The following TSHZ2 variants were observed in gnomAD, a reference collection of about 807,000 sequenced individuals.
The protein encoded by TSHZ2 is teashirt homolog 2.
TSHZ2 carries 21 observed loss-of-function variants against 74.4 expected under a neutral mutation model. The ratio of observed to expected loss-of-function variants is 0.28; its 90% CI spans 0.20 to 0.41. TSHZ2 has a LOEUF of 0.41. Ranked by LOEUF, TSHZ2 falls within the 10% of genes least tolerant of loss-of-function variation. TSHZ2 has a pLI of 1.00. For synonymous variants in TSHZ2, 540 were observed against 515.3 expected, an observed-to-expected ratio of 1.05 and a Z score of -0.65; for missense variants, 1,244 against 1,293.5, an observed-to-expected ratio of 0.96 and a Z score of 0.59.
At chr20:53,377,700 A>C (rs938238835) in intron 2 of TSHZ2, among the ~76,000 whole-genome samples, 7 of 152,168 alleles carry the variant, frequency 4.6e-5, no homozygotes, top group Non-Finnish European at 1.0e-4. Context: ...TATCTATAAA[A>C]AAAATACAAA....
chr20:53,348,217 CTT>C (rs1313645628), intron 2 of TSHZ2, among the ~76,000 whole-genome samples: 1 of 152,170 alleles, frequency 6.6e-6, no homozygotes, highest in Non-Finnish European at 1.5e-5. Context: ...TAGAAGCACT[CTT>C]TGCAATAGCC....
chr20:53,210,490 C>T (rs754869488), intron 1 of TSHZ2, among the ~76,000 whole-genome samples: 1 of 152,004 alleles, frequency 6.6e-6, no homozygotes, highest in Non-Finnish European at 1.5e-5. Context: ...TCAACTCCAA[C>T]CGTTTCCACA....
intron 1 of TSHZ2, among the ~76,000 whole-genome samples, chr20:53,110,815 C>T (rs529840712): frequency 1.3e-5 from 2 of 152,118 alleles, no homozygotes; most frequent in African/African-American, 4.8e-5. Context: ...GCGGTGCCAC[C>T]GAGATATAGA....
chr20:52,977,819 G>T (rs1017522677), intron 1 of TSHZ2, among the ~76,000 whole-genome samples: 11 of 152,188 alleles, frequency 7.2e-5, no homozygotes, highest in Non-Finnish European at 1.2e-4. Flanking sequence ...TGGAAACTCT[G>T]TAAGGGAGCA....
chr20:53,426,335 C>T (rs1442065193), intron 2 of TSHZ2, among the ~76,000 whole-genome samples: 1 of 152,062 alleles, frequency 6.6e-6, no homozygotes, highest in African/African-American at 2.4e-5. Context: ...GTCCTCTCTC[C>T]CTAAGCAGTC....
At chr20:53,042,570 T>C (rs1984079610) in intron 1 of TSHZ2, among the ~76,000 whole-genome samples, 1 of 152,078 alleles carries the variant, frequency 6.6e-6, no homozygotes, top group Admixed American at 6.6e-5. Context: ...ATGAAGATCA[T>C]AGGGAATGAT....
In TSHZ2 at chr20:53,293,876, C is replaced by T. The variant is rs149492481; in HGVS notation, c.*8+37305C>T. ...ACTAAAAATACAAAAATTAGCTGGG[C>T]GCAGTGGTGCATGTCTGTAATCCCA... On this transcript the variant is annotated intron_variant, in intron 2 of 2. Transcript: ENST00000371497. 2.6e-5 allele frequency among the ~76,000 whole-genome samples: 4 copies of T among 151,814 alleles called. No homozygotes were observed. In the East Asian group the frequency reaches 5.8e-4, roughly 22 times the overall value.
chr20:53,118,093 T>C (rs1360873849), intron 1 of TSHZ2, among the ~76,000 whole-genome samples: 1 of 152,186 alleles, frequency 6.6e-6, no homozygotes, highest in Non-Finnish European at 1.5e-5. Context: ...ATCGGCATGC[T>C]TAGAGAATTT....
chr20:53,307,495 A>C (rs888066090), intron 2 of TSHZ2, among the ~76,000 whole-genome samples: 4 of 152,040 alleles, frequency 2.6e-5, no homozygotes, highest in African/African-American at 9.7e-5. Context: ...ATTAGAACTT[A>C]ATTGCCTGCA....
intron 1 of TSHZ2, among the ~76,000 whole-genome samples, chr20:53,223,383 T>C (rs1989608586): frequency 6.6e-6 from 1 of 152,186 alleles, no homozygotes; most frequent in African/African-American, 2.4e-5. Flanking sequence ...GCTCAAAAAC[T>C]GACCCACTCC....
rs60633049 is a variant in TSHZ2 at position 53,107,187 on chromosome 20, A to G, written c.40+133854A>G. Among the ~76,000 whole-genome samples, 730 of 152,246 alleles carry G rather than the reference A, an allele frequency of 4.8e-3. 8 individuals carry two copies. Among genetic ancestry groups the G allele is most frequent in the African/African-American group, 0.016 (675 of 41,528 alleles). On this transcript the variant is annotated intron_variant, in intron 1 of 2. Coordinates refer to ENST00000371497, the MANE Select transcript of TSHZ2 (RefSeq NM_173485.6). ...CCAAAATTCCCTCTCCCTTCAAGCC[A>G]TAGCCCAGTGGGTTCTTTGGCAGAA...
chr20:53,321,782 T>A (rs1290197858), intron 2 of TSHZ2, among the ~76,000 whole-genome samples: 1 of 151,562 alleles, frequency 6.6e-6, no homozygotes, highest in Non-Finnish European at 1.5e-5. Context: ...TGATGCCTCA[T>A]CTAAAGGAGT....
At chr20:53,191,621 C>T (rs1988739209) in intron 1 of TSHZ2, among the ~76,000 whole-genome samples, 1 of 152,222 alleles carries the variant, frequency 6.6e-6, no homozygotes, top group Non-Finnish European at 1.5e-5. Flanking sequence ...TGGGATTGCA[C>T]CACTGCGCTC....
At chr20:53,381,365 A>G (rs1981854501) in intron 2 of TSHZ2, among the ~76,000 whole-genome samples, 1 of 152,196 alleles carries the variant, frequency 6.6e-6, no homozygotes, top group South Asian at 2.1e-4. Context: ...TGCCTCTAAT[A>G]TCATTTGCTG....
chr20:53,412,052 C>T (rs1050905700), intron 2 of TSHZ2, among the ~76,000 whole-genome samples: 6 of 152,224 alleles, frequency 3.9e-5, no homozygotes, highest in Non-Finnish European at 7.3e-5. Flanking sequence ...AAACATTCCC[C>T]TCCCTTGAAT....
intron 1 of TSHZ2, among the ~76,000 whole-genome samples, chr20:53,023,619 GTT>G (rs59361462): frequency 0.27 from 22,606 of 82,372 alleles, 2,561 homozygotes; most frequent in East Asian, 0.48. Context: ...CTCGTTTTTT[GTT>G]TTTTTTTTTG....
At chr20:53,035,884 TA>T (rs1284668785) in intron 1 of TSHZ2, among the ~76,000 whole-genome samples, 16 of 152,362 alleles carry the variant, frequency 1.1e-4, no homozygotes, top group African/African-American at 3.6e-4. Context: ...ATCAGATAGA[TA>T]TTCCTGACTG....
chr20:53,293,519 CCTCA>C, intron 2 of TSHZ2, among the ~76,000 whole-genome samples: 1 of 152,046 alleles, frequency 6.6e-6, no homozygotes, highest in East Asian at 1.9e-4. Context: ...CTTCAGGCCC[CCTCA>C]CTCTTCAGGC....
chr20:53,446,944 G>C (rs1984576076), intron 2 of TSHZ2, among the ~76,000 whole-genome samples: 1 of 152,126 alleles, frequency 6.6e-6, no homozygotes. Context: ...CTCCCCTCTA[G>C]GGCTGGACCC....
Sources: allele counts gnomAD v4.1 joint callset (sites outside exome capture counted in the v4.1 genomes callset), GRCh38; gene constraint gnomAD v4.1.1; transcripts MANE v1.5; gene names NCBI Gene and HGNC (gene_info 2026-07-23, HGNC 2026-07-21).